LPAR1: variants seen among roughly 807,000 people sequenced by gnomAD.
The protein encoded by LPAR1 is LPA receptor 1.
In LPAR1, 5 loss-of-function variants were observed where a neutral mutation model predicts 23.8. The ratio of observed to expected loss-of-function variants is 0.21; its 90% CI spans 0.11 to 0.44. The LOEUF (loss-of-function observed/expected upper bound fraction) is 0.44. Ranked by LOEUF, LPAR1 falls within the 20% of genes least tolerant of loss-of-function variation. The pLI is 0.99. For synonymous variants in LPAR1, 160 were observed against 164.7 expected, an observed-to-expected ratio of 0.97 and a Z score of 0.22; for missense variants, 311 against 482.8, an observed-to-expected ratio of 0.64 and a Z score of 3.33.
chr9:110,903,895 A>C (rs1588230267), intron 5 of LPAR1, among the ~76,000 whole-genome samples: 1 of 137,736 alleles, frequency 7.3e-6, no homozygotes, highest in Admixed American at 7.7e-5. Flanking sequence ...AAAAAAAAAA[A>C]AAAAAAAAAG....
chr9:110,921,002 G>A (rs796375022), intron 5 of LPAR1, among the ~76,000 whole-genome samples: 30 of 151,908 alleles, frequency 2.0e-4, no homozygotes, highest in African/African-American at 6.8e-4. Context: ...CAGACGTTAC[G>A]GCGCTTGACT....
intron 4 of LPAR1, among the ~76,000 whole-genome samples, chr9:110,970,024 T>G (rs749651258): frequency 2.0e-5 from 3 of 152,224 alleles, no homozygotes; most frequent in African/African-American, 7.2e-5. Context: ...TTTACGAGAG[T>G]ACACATTTCC....
At chr9:110,978,470 T>G (rs981290849) in intron 2 of LPAR1, among the ~76,000 whole-genome samples, 1 of 152,158 alleles carries the variant, frequency 6.6e-6, no homozygotes, top group African/African-American at 2.4e-5. Flanking sequence ...AAAGGACAAA[T>G]TTATTCTAAA....
chr9:111,022,150 G>A (rs1286119246), intron 2 of LPAR1, among the ~76,000 whole-genome samples: 2 of 152,102 alleles, frequency 1.3e-5, no homozygotes, highest in African/African-American at 4.8e-5. Flanking sequence ...GCCTGAGCTT[G>A]TTGGACTAGG....
rs57301550 is a variant in LPAR1, at chr9:111,010,853, C to A, written c.-182+25269G>T. 9.7e-3 allele frequency among the ~76,000 whole-genome samples: 1,471 copies of A among 152,302 alleles called. 21 individuals carry two copies. Among genetic ancestry groups the A allele is most frequent in the African/African-American group, 0.033 (1,375 of 41,570 alleles). On this transcript the variant is annotated intron_variant, in intron 2 of 5. Coordinates refer to ENST00000683809, the MANE Select transcript of LPAR1 (RefSeq NM_001351411.2). ...TTCCCTTCTCCTTCCAGAAACAGATCTCTGAAAGCATATCCCTAAAGAAGA... is the reference window on the plus strand; with the variant it reads ...TTCCCTTCTCCTTCCAGAAACAGATATCTGAAAGCATATCCCTAAAGAAGA...
intron 5 of LPAR1, among the ~76,000 whole-genome samples, chr9:110,909,349 A>G (rs1425461943): frequency 7.0e-6 from 1 of 142,264 alleles, no homozygotes; most frequent in African/African-American, 2.7e-5. Flanking sequence ...CTTGTACAGG[A>G]GCAGCTCATT....
chr9:110,877,342 G>A (rs995617152), intron 5 of LPAR1, among the ~76,000 whole-genome samples: 7 of 152,136 alleles, frequency 4.6e-5, no homozygotes, highest in South Asian at 2.1e-4. Context: ...ATTGGCCAAG[G>A]TACTTCATTT....
intron 2 of LPAR1, among the ~76,000 whole-genome samples, chr9:111,007,844 G>A (rs773553756): frequency 2.0e-5 from 3 of 152,062 alleles, no homozygotes; most frequent in Non-Finnish European, 4.4e-5. Flanking sequence ...CTATATCCGG[G>A]AAATTGAAAG....
At chr9:110,962,298 C>T (rs2096026043) in intron 4 of LPAR1, among the ~76,000 whole-genome samples, 1 of 152,160 alleles carries the variant, frequency 6.6e-6, no homozygotes, top group African/African-American at 2.4e-5. Context: ...AGCTGGGATG[C>T]TTCCTGGGTC....
At chr9:110,962,582 G>C (rs2096042947) in intron 4 of LPAR1, among the ~76,000 whole-genome samples, 1 of 152,158 alleles carries the variant, frequency 6.6e-6, no homozygotes, top group Admixed American at 6.5e-5. Context: ...TGCTACTAAA[G>C]GTTGTCTGAA....
chr9:111,005,546 CAAAAAAAAAAAAAAAAA>C (rs60143050), intron 2 of LPAR1, among the ~76,000 whole-genome samples: 4 of 70,336 alleles, frequency 5.7e-5, no homozygotes, highest in South Asian at 5.8e-4. Context: ...GACCCTGTCT[CAAAAAAAAAAAAAAAAA>C]AAAAAAAAAA....
intron 2 of LPAR1, among the ~76,000 whole-genome samples, chr9:111,033,984 T>TA (rs2097848428): frequency 6.6e-6 from 1 of 152,104 alleles, no homozygotes; most frequent in South Asian, 2.1e-4. Context: ...GACACAGAGG[T>TA]ACTGGGGAGC....
intron 5 of LPAR1, among the ~76,000 whole-genome samples, chr9:110,925,348 G>A (rs541487046): frequency 3.9e-4 from 59 of 152,036 alleles, no homozygotes; most frequent in African/African-American, 1.3e-3. Context: ...AGCAGATGCT[G>A]AAAAACCACT....
rs188160508 is a variant in LPAR1 at position 110,970,106 on chromosome 9, T to C, written c.45+1967A>G. 5.3e-5 allele frequency among the ~76,000 whole-genome samples: 8 copies of C among 152,272 alleles called. No homozygotes were observed. The East Asian group carries it at 1.5e-3, about 29-fold the overall frequency. ...TAAACATTTTAATTAAATGAGTCATTTAGAGGTATTTCTATTCCTCACCAG... is the reference window on the plus strand; with the variant it reads ...TAAACATTTTAATTAAATGAGTCATCTAGAGGTATTTCTATTCCTCACCAG... On this transcript the variant is annotated intron_variant, in intron 4 of 5. Transcript: ENST00000683809.
chr9:110,992,600 T>C (rs1451479575), intron 2 of LPAR1, among the ~76,000 whole-genome samples: 1 of 151,494 alleles, frequency 6.6e-6, no homozygotes, highest in Non-Finnish European at 1.5e-5. Context: ...TGTCCATTCA[T>C]AAATGAATGG....
At chr9:110,957,356 T>TAAC (rs200909769) in intron 4 of LPAR1, among the ~76,000 whole-genome samples, 110 of 144,960 alleles carry the variant, frequency 7.6e-4, no homozygotes, top group African/African-American at 2.7e-3. Context: ...AAAAAAATAA[T>TAAC]AATAATAATA....
intron 5 of LPAR1, chr9:110,934,587 A>C (rs1828021595): frequency 6.6e-6 from 1 of 152,184 alleles, no homozygotes; most frequent in African/African-American, 2.4e-5. Context: ...TCCCCTTTCA[A>C]GTTTTCCTCT....
chr9:110,906,412 A>AACTTCTT (rs2091232468), intron 5 of LPAR1, among the ~76,000 whole-genome samples: 1 of 152,182 alleles, frequency 6.6e-6, no homozygotes, highest in Non-Finnish European at 1.5e-5. Flanking sequence ...TTTGGGTGAA[A>AACTTCTT]ACTTCTGATT....
At chr9:111,027,726 G>T (rs1477045065) in intron 2 of LPAR1, among the ~76,000 whole-genome samples, 1 of 151,582 alleles carries the variant, frequency 6.6e-6, no homozygotes, top group African/African-American at 2.4e-5. Context: ...ATGAGAGCAG[G>T]CATGTGGATA....
Sources: gnomAD v4.1 joint callset for allele counts (sites outside exome capture counted in the v4.1 genomes callset) on GRCh38, gnomAD v4.1.1 for gene constraint, MANE v1.5 for transcripts, NCBI Gene and HGNC (gene_info 2026-07-23, HGNC 2026-07-21) for gene names.